MIPOL1: variants seen among roughly 807,000 people sequenced by gnomAD.
MIPOL1 encodes mirror-image polydactyly gene 1 protein.
A neutral mutation model predicts 60.9 loss-of-function variants in MIPOL1; 57 were observed. The observed-to-expected ratio is 0.94, with a 90% CI of 0.76 to 1.17. The LOEUF (loss-of-function observed/expected upper bound fraction) is 1.17. Among genes scored for constraint, MIPOL1 ranks in the 50% most tolerant of loss-of-function variants. The pLI is 0.00. For missense variants in MIPOL1, 551 were observed against 511.6 expected (o/e 1.08, Z -0.74); for synonymous variants, 179 against 168.8 (o/e 1.06, Z -0.47).
chr14:37,394,969 A>G lies in MIPOL1; in HGVS notation c.936+25345A>G, dbSNP rs573975024. Among the ~76,000 whole-genome samples the G allele has an allele frequency of 5.9e-5, 9 of 152,238 alleles. No homozygotes were observed. The South Asian group carries it at 1.7e-3, about 28-fold the overall frequency. ...AAGTGAGAGATAAGAATCCAGTTTC[A>G]TTCTCCTACATGTGCCTAGCCAATT... On this transcript the variant is annotated intron_variant, in intron 10 of 12. Coordinates refer to ENST00000684589, the MANE Select transcript of MIPOL1 (RefSeq NM_001388067.1).
intron 1 of MIPOL1, among the ~76,000 whole-genome samples, chr14:37,242,725 T>A (rs1972549884): frequency 1.3e-5 from 2 of 152,050 alleles, no homozygotes; most frequent in African/African-American, 4.8e-5. Flanking sequence ...GATAGAGAGA[T>A]GGGGGAGAAA....
intron 10 of MIPOL1, among the ~76,000 whole-genome samples, chr14:37,409,045 C>T (rs2093638351): frequency 6.6e-6 from 1 of 152,154 alleles, no homozygotes; most frequent in Non-Finnish European, 1.5e-5. Flanking sequence ...AGCAGCAAGG[C>T]TAGGGAGCTG....
intron 11 of MIPOL1, among the ~76,000 whole-genome samples, chr14:37,451,596 CTCA>C (rs2094417333): frequency 6.7e-6 from 1 of 149,160 alleles, no homozygotes; most frequent in African/African-American, 2.6e-5. Flanking sequence ...CTGATTCTCT[CTCA>C]TCATAATCAT....
At chr14:37,494,187 A>G (rs2153608089) in intron 11 of MIPOL1, among the ~76,000 whole-genome samples, 1 of 152,326 alleles carries the variant, frequency 6.6e-6, no homozygotes, top group Non-Finnish European at 1.5e-5. Flanking sequence ...GATTTACTGA[A>G]GTTCTTAAGG....
intron 11 of MIPOL1, among the ~76,000 whole-genome samples, chr14:37,480,392 A>G (rs1459276971): frequency 6.6e-6 from 1 of 152,226 alleles, no homozygotes; most frequent in Non-Finnish European, 1.5e-5. Flanking sequence ...AGGATGGTGA[A>G]ACGTATGCAA....
chr14:37,508,710 C>G (rs1344012492), intron 12 of MIPOL1, among the ~76,000 whole-genome samples: 1 of 152,092 alleles, frequency 6.6e-6, no homozygotes, highest in Non-Finnish European at 1.5e-5. Flanking sequence ...TACGTAATTC[C>G]TCCTTCTCTT....
chr14:37,500,155 T>C lies in MIPOL1; in HGVS notation c.1262+17T>C. 1 of 1,505,594 alleles carries C rather than the reference T, an allele frequency of 6.6e-7. No individual in the cohort carries two copies. The highest frequency in any genetic ancestry group is 9.2e-7 in the Non-Finnish European group (1 of 1,092,022). 93.3% of individuals were successfully genotyped at this position (1,505,594 alleles called of 1,614,324 possible). A position where few individuals can be genotyped will look rare whatever the true frequency, so the allele number is the denominator to read the frequency against. On this transcript the variant is annotated intron_variant, in intron 12 of 12. Transcript: ENST00000684589. Reference sequence around the variant, plus strand: ...AGTTCAAAAGTAAGTTAAATGATCTTGTAATAATACTTCAAACACATGAAA... The same window carrying C: ...AGTTCAAAAGTAAGTTAAATGATCTCGTAATAATACTTCAAACACATGAAA...
At chr14:37,334,547 G>T (rs1377475887) in intron 9 of MIPOL1, among the ~76,000 whole-genome samples, 1 of 151,860 alleles carries the variant, frequency 6.6e-6, no homozygotes, top group Non-Finnish European at 1.5e-5. Context: ...TACCCTTAAA[G>T]TATACAATAT....
At chr14:37,273,823 C>T (rs2083460170) in intron 6 of MIPOL1, among the ~76,000 whole-genome samples, 1 of 151,362 alleles carries the variant, frequency 6.6e-6, no homozygotes, top group South Asian at 2.1e-4. Context: ...ACCAACTTAC[C>T]AGATTATTTT....
intron 6 of MIPOL1, among the ~76,000 whole-genome samples, chr14:37,282,758 AAAAAAAAAAAAAG>A (rs2084227217): frequency 6.6e-6 from 1 of 150,920 alleles, no homozygotes; most frequent in South Asian, 2.1e-4. Flanking sequence ...AAAAAAAAAA[AAAAAAAAAAAAAG>A]AAGGTAGTTA....
At chr14:37,503,465 A>G (rs1366994592) in intron 12 of MIPOL1, 1 of 152,182 alleles carries the variant, frequency 6.6e-6, no homozygotes, top group Admixed American at 6.5e-5. Flanking sequence ...ATTCTTAAAG[A>G]AAAGAATTTT....
At chr14:37,389,422 C>T (rs911843051) in intron 10 of MIPOL1, among the ~76,000 whole-genome samples, 2 of 151,932 alleles carry the variant, frequency 1.3e-5, no homozygotes, top group African/African-American at 2.4e-5. Context: ...GAATATTGCA[C>T]CTAATCACAT....
At chr14:37,437,639 A>C (rs2094182664) in intron 11 of MIPOL1, among the ~76,000 whole-genome samples, 1 of 152,162 alleles carries the variant, frequency 6.6e-6, no homozygotes, top group Non-Finnish European at 1.5e-5. Flanking sequence ...CCACAGTAAG[A>C]CAGATGGTGC....
chr14:37,366,634 C>T (rs770222653), intron 9 of MIPOL1, among the ~76,000 whole-genome samples: 5 of 151,898 alleles, frequency 3.3e-5, no homozygotes, highest in East Asian at 1.9e-4. Context: ...GGCCGTTGGA[C>T]GAAATGTTCC....
In MIPOL1 at chr14:37,549,589, G is replaced by GT. The variant is rs936575205; in HGVS notation, c.*2619dup. ...CAACTATGAGTCTCTAAATCTCTCT[G>GT]TAAGAAAAAAATTTCAAAGTAAAGA... On this transcript the variant is annotated 3_prime_UTR_variant, in exon 13 of 13. Coordinates refer to ENST00000684589, the MANE Select transcript of MIPOL1 (RefSeq NM_001388067.1). The GT allele has an allele frequency of 1.3e-5, 2 of 151,696 alleles. No homozygotes were observed. Among genetic ancestry groups the GT allele is most frequent in the Non-Finnish European group, 3.0e-5 (2 of 67,780 alleles). 9.4% of individuals were successfully genotyped at this position (151,696 alleles called of 1,614,324 possible).
intron 9 of MIPOL1, among the ~76,000 whole-genome samples, chr14:37,349,495 C>T (rs2091193264): frequency 6.6e-6 from 1 of 152,204 alleles, no homozygotes; most frequent in Non-Finnish European, 1.5e-5. Flanking sequence ...CTACAGGATT[C>T]TCCTTGCCAT....
intron 6 of MIPOL1, among the ~76,000 whole-genome samples, chr14:37,281,406 G>T (rs1594884373): frequency 6.6e-6 from 1 of 152,014 alleles, no homozygotes; most frequent in East Asian, 1.9e-4. Context: ...TTGTTGTTTT[G>T]TTTGGTTTGG....
chr14:37,217,540 T>C (rs1967948855), intron 1 of MIPOL1, among the ~76,000 whole-genome samples: 1 of 152,188 alleles, frequency 6.6e-6, no homozygotes, highest in South Asian at 2.1e-4. Context: ...GAAAGATCAT[T>C]CATTATGACC....
At chr14:37,335,237 T>G (rs182608335) in intron 9 of MIPOL1, among the ~76,000 whole-genome samples, 4 of 152,218 alleles carry the variant, frequency 2.6e-5, no homozygotes, top group Admixed American at 6.5e-5. Flanking sequence ...TTTTTAGTTT[T>G]TTGTCTTTTT....
Sources: allele counts gnomAD v4.1 joint callset (sites outside exome capture counted in the v4.1 genomes callset), GRCh38; gene constraint gnomAD v4.1.1; transcripts MANE v1.5; gene names NCBI Gene and HGNC (gene_info 2026-07-23, HGNC 2026-07-21).